The following FBXO42 variants were observed in gnomAD, a reference collection of about 807,000 sequenced individuals.
The protein encoded by FBXO42 is F-box only protein 42.
A neutral mutation model predicts 71.7 loss-of-function variants in FBXO42; 12 were observed. The observed-to-expected ratio is 0.17, with a 90% CI of 0.11 to 0.27. FBXO42 has a LOEUF of 0.27. FBXO42 is among the 10% of genes least tolerant of loss of function. The pLI is 1.00. For synonymous variants in FBXO42, 325 were observed against 327.5 expected (o/e 0.99, Z 0.08); for missense variants, 707 against 911.9 (o/e 0.78, Z 2.89).
chr1:16,328,960 C>T (rs902845589), intron 1 of FBXO42, among the ~76,000 whole-genome samples: 20 of 151,092 alleles, frequency 1.3e-4, no homozygotes, highest in Admixed American at 7.9e-4. Context: ...GTCAGGGGTT[C>T]GAGACAAGCC....
chr1:16,266,072 A>T (rs1261733645), intron 4 of FBXO42, among the ~76,000 whole-genome samples: 1 of 152,210 alleles, frequency 6.6e-6, no homozygotes, highest in Non-Finnish European at 1.5e-5. Context: ...GTGCTTTAAA[A>T]CACTTTCAAA....
Position 16,294,760 on chromosome 1 carries a change from A to G in FBXO42, c.502+23T>C, listed in dbSNP as rs374411159. ...AAGGGAGTCACCTGGTAAGGAGGCA[A>G]AGATCAGCATTTCATCTCTTACCTG... is the stretch of plus-strand genomic sequence containing the variant. On this transcript the variant is annotated intron_variant, in intron 4 of 9. Coordinates refer to ENST00000375592, the MANE Select transcript of FBXO42 (RefSeq NM_018994.3). 24 of 1,610,712 alleles carry G rather than the reference A, an allele frequency of 1.5e-5. No homozygotes were observed. In the East Asian group the frequency reaches 2.9e-4, roughly 19 times the overall value.
rs1244467516 is a variant in FBXO42 at position 16,248,496 on chromosome 1, G to A, written c.*2174C>T. The A allele has an allele frequency of 6.6e-6, 1 of 152,186 alleles. No individual in the cohort carries two copies. Among genetic ancestry groups the A allele is most frequent in the African/African-American group, 2.4e-5 (1 of 41,440 alleles). 9.4% of individuals were successfully genotyped at this position (152,186 alleles called of 1,614,324 possible). A position where few individuals can be genotyped will look rare whatever the true frequency, so the allele number is the denominator to read the frequency against. ...TAACAGCTGGCTTAGGAAGGCCACA[G>A]GACTAAGGGAAAGACTGTAAGGTTG... is the stretch of plus-strand genomic sequence containing the variant. On this transcript the variant is annotated 3_prime_UTR_variant, in exon 10 of 10. Transcript: ENST00000375592.
chr1:16,335,063 C>CAAAAAAA (rs55983316), intron 1 of FBXO42, among the ~76,000 whole-genome samples: 1,323 of 69,004 alleles, frequency 0.019, 180 homozygotes, highest in Non-Finnish European at 0.028. Context: ...CTCGTCTGTA[C>CAAAAAAA]AAAAAAAAAA....
chr1:16,320,095 C>G (rs1422384630), intron 1 of FBXO42, among the ~76,000 whole-genome samples: 2 of 152,014 alleles, frequency 1.3e-5, no homozygotes, highest in East Asian at 3.9e-4. Context: ...CATGGTGGCT[C>G]ACGCGTGTAA....
intron 1 of FBXO42, among the ~76,000 whole-genome samples, chr1:16,336,127 G>A (rs1215269295): frequency 6.6e-6 from 1 of 151,490 alleles, no homozygotes; most frequent in Non-Finnish European, 1.5e-5. Context: ...TAGTAGAGAT[G>A]GGGTTTCACC....
chr1:16,292,112 CTTTAAACAT>C (rs2082085420), intron 4 of FBXO42, among the ~76,000 whole-genome samples: 1 of 152,192 alleles, frequency 6.6e-6, no homozygotes, highest in South Asian at 2.1e-4. Context: ...TAGAAAATTA[CTTTAAACAT>C]TCAGGAGTTT....
At chr1:16,329,112 G>C (rs901363075) in intron 1 of FBXO42, among the ~76,000 whole-genome samples, 8 of 143,922 alleles carry the variant, frequency 5.6e-5, no homozygotes, top group Admixed American at 2.2e-4. Flanking sequence ...GCAGTGAGCT[G>C]AGATTGTGCC....
chr1:16,259,146 T>C (rs2081681815), intron 4 of FBXO42, among the ~76,000 whole-genome samples: 1 of 152,212 alleles, frequency 6.6e-6, no homozygotes, highest in African/African-American at 2.4e-5. Flanking sequence ...GTCTTTCATA[T>C]AGCCTTACTG....
intron 1 of FBXO42, among the ~76,000 whole-genome samples, chr1:16,346,288 G>A (rs1365399479): frequency 2.0e-5 from 3 of 152,060 alleles, no homozygotes; most frequent in Admixed American, 2.0e-4. Flanking sequence ...TAAAACAACT[G>A]AAAGTATCCT....
At chr1:16,278,369 C>A (rs997531814) in intron 4 of FBXO42, among the ~76,000 whole-genome samples, 5 of 150,556 alleles carry the variant, frequency 3.3e-5, no homozygotes, top group African/African-American at 4.9e-5. Context: ...AAAAAAAAAA[C>A]AAAAAACAAA....
intron 4 of FBXO42, among the ~76,000 whole-genome samples, chr1:16,268,721 T>C (rs1310457936): frequency 1.3e-5 from 2 of 152,086 alleles, no homozygotes; most frequent in Non-Finnish European, 2.9e-5. Flanking sequence ...CCCAGCACTT[T>C]GGGAGGTCGA....
At chr1:16,276,555 T>G (rs879750470) in intron 4 of FBXO42, among the ~76,000 whole-genome samples, 6 of 152,150 alleles carry the variant, frequency 3.9e-5, no homozygotes, top group Non-Finnish European at 8.8e-5. Context: ...AAGCAGAAGT[T>G]AGAAATGACT....
At position 16,301,681 on chromosome 1, in the gene FBXO42, A is replaced by C. The variant is rs572420862; in HGVS notation, c.367+4122T>G. Among the ~76,000 whole-genome samples the C allele has an allele frequency of 9.8e-3, 1,367 of 139,374 alleles. 34 individuals are homozygous for C. The highest frequency in any genetic ancestry group is 0.041 in the Middle Eastern group (12 of 290). 91.4% of individuals were successfully genotyped at this position (139,374 alleles called of 152,430 possible). On this transcript the variant is annotated intron_variant, in intron 3 of 9. Coordinates refer to ENST00000375592, the MANE Select transcript of FBXO42 (RefSeq NM_018994.3). Reference sequence around the variant, plus strand: ...GTGAGACCCCATCTCAAAAAAAAAAAAACAACAAAAAAAAAAGAAACGGTA... The same window carrying C: ...GTGAGACCCCATCTCAAAAAAAAAACAACAACAAAAAAAAAAGAAACGGTA...
At chr1:16,295,628 G>A (rs1290503431) in intron 3 of FBXO42, among the ~76,000 whole-genome samples, 1 of 152,026 alleles carries the variant, frequency 6.6e-6, no homozygotes, top group Non-Finnish European at 1.5e-5. Flanking sequence ...CCTGACCTCA[G>A]GTGATCCACC....
intron 4 of FBXO42, among the ~76,000 whole-genome samples, chr1:16,258,050 G>A (rs1569813843): frequency 1.3e-5 from 2 of 151,862 alleles, no homozygotes; most frequent in South Asian, 4.2e-4. Context: ...ATTTTTCAAA[G>A]GATATCTTAA....
chr1:16,290,801 C>T (rs1163130282), intron 4 of FBXO42, among the ~76,000 whole-genome samples: 1 of 152,084 alleles, frequency 6.6e-6, no homozygotes. Flanking sequence ...TAGAAGCCAA[C>T]GATGCCAGAT....
chr1:16,273,580 T>TA (rs60180021), intron 4 of FBXO42, among the ~76,000 whole-genome samples: 6,715 of 139,974 alleles, frequency 0.048, 443 homozygotes, highest in African/African-American at 0.16. Context: ...GAGAACAACT[T>TA]AAAAAAAAAA....
intron 1 of FBXO42, among the ~76,000 whole-genome samples, chr1:16,331,364 G>A (rs1011935640): frequency 1.3e-5 from 2 of 151,844 alleles, no homozygotes; most frequent in Admixed American, 6.6e-5. Flanking sequence ...GCAGTGAGCC[G>A]AGATCGTGCC....
Sources: gnomAD v4.1 joint callset for allele counts (sites outside exome capture counted in the v4.1 genomes callset) on GRCh38, gnomAD v4.1.1 for gene constraint, MANE v1.5 for transcripts, NCBI Gene and HGNC (gene_info 2026-07-23, HGNC 2026-07-21) for gene names.